Variants in ABL1 observed in about 807,000 individuals in gnomAD.
ABL1 encodes the protein ABL proto-oncogene 1, non-receptor tyrosine kinase.
In ABL1, 11 loss-of-function variants were observed where a neutral mutation model predicts 94.7. The observed-to-expected ratio is 0.12, with a 90% CI of 0.07 to 0.19. ABL1 has a LOEUF of 0.19. ABL1 is among the 10% of genes least tolerant of loss of function. The pLI is 1.00. For missense variants in ABL1, 1,082 were observed against 1,489.4 expected (o/e 0.73, Z 4.50); for synonymous variants, 656 against 622.4 (o/e 1.05, Z -0.80).
intron 1 of ABL1, among the ~76,000 whole-genome samples, chr9:130,827,899 T>TAATAAATAAATAAATA (rs200452899): frequency 7.0e-4 from 92 of 131,540 alleles, no homozygotes; most frequent in Admixed American, 1.1e-3. Context: ...GTCTCAAAAA[T>TAATAAATAAATAAATA]AATAAATAAA....
intron 1 of ABL1, among the ~76,000 whole-genome samples, chr9:130,784,050 G>A (rs773569403): frequency 4.6e-5 from 7 of 152,236 alleles, no homozygotes; most frequent in Admixed American, 1.3e-4. Context: ...CATCTTGCTA[G>A]TTTCTTCTGT....
At chr9:130,819,827 C>T (rs1830336864) in intron 1 of ABL1, among the ~76,000 whole-genome samples, 1 of 151,818 alleles carries the variant, frequency 6.6e-6, no homozygotes. Flanking sequence ...ACGCGTGAGC[C>T]ACCGCGCCCA....
At chr9:130,825,378 T>A (rs1830412474) in intron 1 of ABL1, among the ~76,000 whole-genome samples, 1 of 152,330 alleles carries the variant, frequency 6.6e-6, no homozygotes, top group Non-Finnish European at 1.5e-5. Flanking sequence ...ATTCTTTTAG[T>A]CTTAGAGAAA....
At chr9:130,762,629 T>C (rs895082684) in intron 1 of ABL1, among the ~76,000 whole-genome samples, 2 of 152,030 alleles carry the variant, frequency 1.3e-5, no homozygotes, top group Admixed American at 1.3e-4. Context: ...CTGAATAATC[T>C]GGCTGGGCGT....
intron 1 of ABL1, among the ~76,000 whole-genome samples, chr9:130,762,828 A>G (rs1183983360): frequency 6.6e-6 from 1 of 151,134 alleles, no homozygotes; most frequent in Non-Finnish European, 1.5e-5. Flanking sequence ...GGAGAGTGGC[A>G]TGAACCCGGG....
intron 1 of ABL1, among the ~76,000 whole-genome samples, chr9:130,750,394 T>C (rs1338919916): frequency 8.8e-6 from 1 of 113,228 alleles, no homozygotes; most frequent in Non-Finnish European, 1.8e-5. Context: ...CTTCCCTCCT[T>C]CCCTTCCTCC....
intron 1 of ABL1, among the ~76,000 whole-genome samples, chr9:130,749,706 G>T (rs558957761): frequency 6.6e-6 from 1 of 152,268 alleles, no homozygotes; most frequent in African/African-American, 2.4e-5. Flanking sequence ...TCTCCCAGGT[G>T]GGTAGGAGAT....
intron 1 of ABL1, among the ~76,000 whole-genome samples, chr9:130,816,555 TC>T (rs2132869208): frequency 6.6e-6 from 1 of 151,010 alleles, no homozygotes; most frequent in African/African-American, 2.4e-5. Context: ...TGAGACAGAA[TC>T]TTGCTCTGTC....
At chr9:130,822,048 C>T (rs1024691435) in intron 1 of ABL1, among the ~76,000 whole-genome samples, 8 of 152,094 alleles carry the variant, frequency 5.3e-5, no homozygotes, top group Non-Finnish European at 8.8e-5. Context: ...CTGTGTTAGC[C>T]GGGATGCTCT....
chr9:130,785,468 C>A (rs1292292117), intron 1 of ABL1, among the ~76,000 whole-genome samples: 1 of 152,150 alleles, frequency 6.6e-6, no homozygotes, highest in Admixed American at 6.5e-5. Flanking sequence ...TGAATCTCAG[C>A]TTTGGGGTTG....
At chr9:130,824,744 C>T (rs1449980697) in intron 1 of ABL1, among the ~76,000 whole-genome samples, 1 of 152,100 alleles carries the variant, frequency 6.6e-6, no homozygotes, top group Non-Finnish European at 1.5e-5. Context: ...CTGAGCGAGC[C>T]CTTTCCTGCC....
intron 1 of ABL1, among the ~76,000 whole-genome samples, chr9:130,740,606 A>G (rs542153587): frequency 4.5e-4 from 69 of 152,220 alleles, no homozygotes; most frequent in Admixed American, 3.9e-3. Flanking sequence ...AAGAAAAACA[A>G]TTTTACTATG....
In ABL1 at chr9:130,803,342, C is replaced by T. The variant is rs966550881; in HGVS notation, c.137-50722C>T. Among the ~76,000 whole-genome samples, 143 of 152,160 alleles carry T rather than the reference C, an allele frequency of 9.4e-4. 1 individual carries two copies. Among genetic ancestry groups the T allele is most frequent in the Non-Finnish European group, 2.9e-4 (20 of 68,028 alleles). On this transcript the variant is annotated intron_variant, in intron 1 of 10. Coordinates refer to the ABL1 transcript ENST00000372348. ...CGAGAGCCACTGCGCCCAGCCGGCT[C>T]TCTTTGTTATTCATAGTTTCCTGGC...
chr9:130,860,322 T>A (rs1228821903), intron 3 of ABL1, among the ~76,000 whole-genome samples: 1 of 152,238 alleles, frequency 6.6e-6, no homozygotes, highest in African/African-American at 2.4e-5. Context: ...GTAAGTTTTA[T>A]GTTGAAAAAT....
At chr9:130,834,065 T>C (rs1830527010), upstream of ABL1, 1 of 456,110 alleles carries the variant, frequency 2.2e-6, no homozygotes, top group Non-Finnish European at 4.4e-6. Flanking sequence ...CTCCGCCTGT[T>C]TCCAGCTGTG....
At chr9:130,735,961 A>ATATATATATATAT (rs573602038) in intron 1 of ABL1, among the ~76,000 whole-genome samples, 4 of 94,886 alleles carry the variant, frequency 4.2e-5, no homozygotes, top group African/African-American at 1.9e-4. Flanking sequence ...ATATATATAT[A>ATATATATATATAT]TTTTTTTTTT....
intron 1 of ABL1, among the ~76,000 whole-genome samples, chr9:130,782,753 G>A (rs1829772133): frequency 6.6e-6 from 1 of 152,252 alleles, no homozygotes; most frequent in Admixed American, 6.5e-5. Flanking sequence ...CTAAGATGCT[G>A]CAGCTGGATT....
chr9:130,763,695 A>G (rs1832145884), intron 1 of ABL1, among the ~76,000 whole-genome samples: 1 of 152,232 alleles, frequency 6.6e-6, no homozygotes, highest in South Asian at 2.1e-4. Flanking sequence ...TGTCCTCACA[A>G]CATGTCAGCA....
intron 1 of ABL1, among the ~76,000 whole-genome samples, chr9:130,823,193 A>G (rs1316079856): frequency 6.6e-6 from 1 of 152,342 alleles, no homozygotes; most frequent in East Asian, 1.9e-4. Flanking sequence ...AGTTAATAGT[A>G]ATCATAATAA....
Sources: gnomAD v4.1 joint callset for allele counts (sites outside exome capture counted in the v4.1 genomes callset) on GRCh38, gnomAD v4.1.1 for gene constraint, MANE v1.5 for transcripts, NCBI Gene and HGNC (gene_info 2026-07-23, HGNC 2026-07-21) for gene names.